CDS1: variants seen among roughly 807,000 people sequenced by gnomAD.
The protein encoded by CDS1 is phosphatidate cytidylyltransferase 1.
In CDS1, 41 loss-of-function variants were observed where a neutral mutation model predicts 62.1. The ratio of observed to expected loss-of-function variants is 0.66; its 90% CI spans 0.51 to 0.86. The LOEUF is 0.86. CDS1 is among the 40% of genes least tolerant of loss of function. CDS1 has a pLI of 0.00. For missense variants in CDS1, 470 were observed against 550.1 expected (o/e 0.85, Z 1.46); for synonymous variants, 185 against 192.6 (o/e 0.96, Z 0.32).
At position 84,631,706 on chromosome 4, in the gene CDS1, G is replaced by A. The variant is rs1400823775; in HGVS notation, c.581-113G>A. On this transcript the variant is annotated intron_variant, in intron 5 of 12. Transcript: ENST00000295887. ...AGTAGGAGAGATGGCATCTGAGTAA[G>A]TAGCTAAAATATGCCTAGCTGTGAT... is the stretch of plus-strand genomic sequence containing the variant. 3 of 780,256 alleles carry A rather than the reference G, an allele frequency of 3.8e-6. No individual in the cohort carries two copies. The African/African-American group carries it at 5.2e-5, about 13-fold the overall frequency. The allele number at this position is 780,256 out of a possible 1,614,324, so 48.3% of individuals were successfully genotyped here. A position where few individuals can be genotyped will look rare whatever the true frequency, so the allele number is the denominator to read the frequency against.
intron 2 of CDS1, among the ~76,000 whole-genome samples, chr4:84,607,200 T>A (rs1723123899): frequency 6.6e-6 from 1 of 152,122 alleles, no homozygotes; most frequent in Non-Finnish European, 1.5e-5. Context: ...TGTGTAGAAA[T>A]GACATGATAA....
chr4:84,583,307 T>C lies in CDS1; in HGVS notation c.-95T>C. The C allele has an allele frequency of 1.2e-6, 1 of 865,448 alleles. No individual in the cohort carries two copies. 53.6% of individuals were successfully genotyped at this position (865,448 alleles called of 1,614,324 possible). A position where few individuals can be genotyped will look rare whatever the true frequency, so the allele number is the denominator to read the frequency against. The stretch of plus-strand genomic sequence containing the variant: ...GCTCCGCGGGACTCCAGGGCGCGGC[T>C]GCGAGGTGGCGGGGCGCCCCGCCTG... On this transcript the variant is annotated 5_prime_UTR_variant, in exon 1 of 13. Transcript: ENST00000295887.
At chr4:84,613,211 T>C (rs1723382548) in intron 3 of CDS1, among the ~76,000 whole-genome samples, 1 of 152,262 alleles carries the variant, frequency 6.6e-6, no homozygotes, top group South Asian at 2.1e-4. Flanking sequence ...ATTCCTATTC[T>C]TAACTAGATC....
At chr4:84,592,877 T>A (rs1487805129) in intron 1 of CDS1, among the ~76,000 whole-genome samples, 1 of 152,130 alleles carries the variant, frequency 6.6e-6, no homozygotes, top group Non-Finnish European at 1.5e-5. Flanking sequence ...GTGACCCAGG[T>A]GGGATCAGAC....
At chr4:84,605,444 T>C (rs1349851231) in intron 2 of CDS1, among the ~76,000 whole-genome samples, 1 of 148,976 alleles carries the variant, frequency 6.7e-6, no homozygotes, top group Non-Finnish European at 1.5e-5. Flanking sequence ...GAATTTTTCT[T>C]TTTTTTTTTA....
chr4:84,640,728 A>G, intron 9 of CDS1, 110 bp from the exon 10 acceptor site: 2,439 of 345,536 alleles, frequency 7.1e-3, no homozygotes, highest in Non-Finnish European at 0.011. Context: ...AAATTCTGGC[A>G]TTCTATCTCT....
rs1410030114 is a variant in CDS1 at position 84,650,778 on chromosome 4, ATTAT to A, written c.*2094_*2097del. ...CATTATCCTATATGTAAAAAAGCAA[ATTAT>A]TAATTTTAATGGAGCTCTCGATTGA... On this transcript the variant is annotated 3_prime_UTR_variant, in exon 13 of 13. Coordinates refer to ENST00000295887, the MANE Select transcript of CDS1 (RefSeq NM_001263.4). 6.6e-6 allele frequency: 1 copy of A among 152,316 alleles called. No homozygotes were observed. Among genetic ancestry groups the A allele is most frequent in the East Asian group, 1.9e-4 (1 of 5,190 alleles). The allele number at this position is 152,316 out of a possible 1,614,324, so 9.4% of individuals were successfully genotyped here.
Position 84,639,003 on chromosome 4 carries a change from C to T in CDS1, c.879+11C>T. ...GTGTTTGGATTCATTGTGAGTATTA[C>T]TAAGATTTTTATTTTGTATACATTT... On this transcript the variant is annotated intron_variant, in intron 9 of 12. Coordinates refer to ENST00000295887, the MANE Select transcript of CDS1 (RefSeq NM_001263.4). 2 of 1,413,780 alleles carry T rather than the reference C, an allele frequency of 1.4e-6. No individual in the cohort carries two copies. Among genetic ancestry groups the T allele is most frequent in the South Asian group, 1.4e-5 (1 of 73,480 alleles). The allele number at this position is 1,413,780 out of a possible 1,614,324, so 87.6% of individuals were successfully genotyped here.
chr4:84,602,335 G>A (rs1179945848), intron 1 of CDS1, among the ~76,000 whole-genome samples: 1 of 152,202 alleles, frequency 6.6e-6, no homozygotes, highest in African/African-American at 2.4e-5. Context: ...TGAGGGTGAG[G>A]AGGGGAGGGT....
At chr4:84,610,577 T>G (rs1290466463) in intron 3 of CDS1, among the ~76,000 whole-genome samples, 5 of 152,130 alleles carry the variant, frequency 3.3e-5, no homozygotes, top group African/African-American at 9.7e-5. Context: ...CTGAGAAAAA[T>G]GTACCTGTCT....
chr4:84,633,986 T>C lies in CDS1; in HGVS notation c.722+47T>C, dbSNP rs199554940. The C allele has an allele frequency of 5.8e-5, 63 of 1,086,320 alleles. No homozygotes were observed. In the African/African-American group the frequency reaches 6.3e-4, roughly 11 times the overall value. The allele number at this position is 1,086,320 out of a possible 1,614,324, so 67.3% of individuals were successfully genotyped here. ...GCTTTATAAGTATGTCATAGCACTT[T>C]TATAGTTCTTTAACGTTGGATAGTG... On this transcript the variant is annotated intron_variant, in intron 7 of 12. Coordinates refer to ENST00000295887, the MANE Select transcript of CDS1 (RefSeq NM_001263.4).
chr4:84,585,035 C>T (rs1048173805), intron 1 of CDS1, among the ~76,000 whole-genome samples: 2 of 152,188 alleles, frequency 1.3e-5, no homozygotes, highest in Non-Finnish European at 2.9e-5. Context: ...ACAAAGCTAA[C>T]AAGCTTTTGT....
intron 5 of CDS1, among the ~76,000 whole-genome samples, chr4:84,629,747 C>T (rs1250068157): frequency 1.3e-5 from 2 of 152,090 alleles, no homozygotes; most frequent in Non-Finnish European, 2.9e-5. Context: ...AATTGTATCC[C>T]ATAGGTGAAA....
chr4:84,645,110 A>G (rs1724516991), intron 11 of CDS1, 112 bp from the exon 12 acceptor site: 4 of 692,116 alleles, frequency 5.8e-6, no homozygotes, highest in South Asian at 1.6e-5. Context: ...AAAAAATCCA[A>G]TAGTAATGTA....
chr4:84,602,931 C>T (rs188967427), intron 1 of CDS1, among the ~76,000 whole-genome samples: 9 of 152,068 alleles, frequency 5.9e-5, no homozygotes, highest in East Asian at 3.9e-4. Flanking sequence ...CATTTAATTT[C>T]GTAATTGTGT....
In CDS1 at chr4:84,630,985, C is replaced by T. The variant is rs76288691; in HGVS notation, c.581-834C>T. 7.0e-3 allele frequency among the ~76,000 whole-genome samples: 1,067 copies of T among 152,074 alleles called. 12 individuals carry two copies. The highest frequency in any genetic ancestry group is 0.024 in the African/African-American group (1,005 of 41,470). On this transcript the variant is annotated intron_variant, in intron 5 of 12. Coordinates refer to ENST00000295887, the MANE Select transcript of CDS1 (RefSeq NM_001263.4). ...CTCCCATTATTTTAGTATATGATTA[C>T]TAGATTTCACTTAATTGGTTAGAAT...
At position 84,619,662 on chromosome 4, in the gene CDS1, G is replaced by A. The variant is rs182557945; in HGVS notation, c.580+129G>A. On this transcript the variant is annotated intron_variant, in intron 5 of 12. Transcript: ENST00000295887. The stretch of plus-strand genomic sequence containing the variant: ...CAGCCTCTCTTTTTCATTGTTTCTT[G>A]TGTATAAAGCTATTTCTTTCATCAT... 304 of 537,382 alleles carry A rather than the reference G, an allele frequency of 5.7e-4. 1 individual carries two copies. The highest frequency in any genetic ancestry group is 5.5e-3 in the African/African-American group (280 of 50,826). 33.3% of individuals were successfully genotyped at this position (537,382 alleles called of 1,614,324 possible).
Position 84,648,588 on chromosome 4 carries a change from T to G in CDS1, c.1288T>G (p.Leu430Val). Residue 430 changes from leucine to valine, a missense_variant, in exon 13 of 13, where the codon TTG becomes GTG. By Grantham distance (32) the Leu-to-Val change is conservative (BLOSUM62 1). Transcript: ENST00000295887. ...AAATCCCAGCAAAGTGCTACAGCAG[T>G]TGTTGGTGCTTCAACCTGAACAGCA... ...GPNPSKVLQQ[L>V]LVLQPEQQLN... The G allele has an allele frequency of 6.2e-7, 1 of 1,613,992 alleles. No individual in the cohort carries two copies. The highest frequency in any genetic ancestry group is 8.5e-7 in the Non-Finnish European group (1 of 1,179,908).
chr4:84,598,136 A>G (rs1026839134), intron 1 of CDS1, among the ~76,000 whole-genome samples: 15 of 150,738 alleles, frequency 1.0e-4, no homozygotes, highest in Non-Finnish European at 1.8e-4. Flanking sequence ...CAAAAAAAAA[A>G]AAAAAGAAAA....
Sources: gnomAD v4.1 joint callset for allele counts (sites outside exome capture counted in the v4.1 genomes callset) on GRCh38, gnomAD v4.1.1 for gene constraint, MANE v1.5 for transcripts, NCBI Gene and HGNC (gene_info 2026-07-23, HGNC 2026-07-21) for gene names.